PAM: variants seen among roughly 807,000 people sequenced by gnomAD.
The protein encoded by PAM is peptidyl-glycine alpha-amidating monooxygenase.
PAM carries 72 observed loss-of-function variants against 122.1 expected under a neutral mutation model. The observed-to-expected ratio is 0.59, with a 90% confidence interval of 0.49 to 0.72. PAM has a LOEUF of 0.72. PAM is among the 30% of genes least tolerant of loss of function. The probability of loss-of-function intolerance (pLI) is 0.00; values close to 1 mark genes in which losing one functional copy is unlikely to be tolerated. For synonymous variants in PAM, 389 were observed against 404.4 expected (o/e 0.96, Z 0.46); for missense variants, 1,106 against 1,183.7 (o/e 0.93, Z 0.96).
rs183941779 is a variant in PAM at position 103,009,877 on chromosome 5, A to T, written c.2331+11A>T. On this transcript the variant is annotated intron_variant, in intron 21 of 25. Coordinates refer to ENST00000438793, the MANE Select transcript of PAM (RefSeq NM_001177306.2). ...AAGCCAGTGCGCAAGGTATTTACAC[A>T]CATTGTCTAGGTTTCAATTTTCATG... is the stretch of plus-strand genomic sequence containing the variant. 8 of 1,387,720 alleles carry T rather than the reference A, an allele frequency of 5.8e-6. No individual in the cohort carries two copies. The Admixed American group carries it at 1.5e-4, about 26-fold the overall frequency. The allele number at this position is 1,387,720 out of a possible 1,614,324, so 86.0% of individuals were successfully genotyped here.
intron 1 of PAM, among the ~76,000 whole-genome samples, chr5:102,793,428 G>A (rs532035527): frequency 1.3e-5 from 2 of 152,256 alleles, no homozygotes; most frequent in African/African-American, 4.8e-5. Flanking sequence ...CTATTTGGGA[G>A]GCTGACGTGG....
At chr5:102,770,353 T>G (rs1755395568) in intron 1 of PAM, among the ~76,000 whole-genome samples, 1 of 152,146 alleles carries the variant, frequency 6.6e-6, no homozygotes, top group Non-Finnish European at 1.5e-5. Context: ...TTGGATGCCC[T>G]TTATTTCTGC....
chr5:102,762,861 G>A (rs1483008234), intron 1 of PAM, among the ~76,000 whole-genome samples: 1 of 152,058 alleles, frequency 6.6e-6, no homozygotes, highest in Admixed American at 6.5e-5. Flanking sequence ...ATGCCTAATC[G>A]ACCAGAGTGA....
chr5:102,876,690 A>T (rs1789316492), intron 3 of PAM, among the ~76,000 whole-genome samples: 1 of 152,224 alleles, frequency 6.6e-6, no homozygotes, highest in African/African-American at 2.4e-5. Flanking sequence ...CAGTAGAGTC[A>T]GGGAAGTAAA....
intron 1 of PAM, among the ~76,000 whole-genome samples, chr5:102,827,124 T>C (rs933240459): frequency 2.0e-5 from 3 of 152,250 alleles, no homozygotes; most frequent in Non-Finnish European, 2.9e-5. Flanking sequence ...TTCTCTTTGC[T>C]ATCCTCTTTC....
intron 1 of PAM, among the ~76,000 whole-genome samples, chr5:102,823,907 T>C (rs189836450): frequency 1.7e-4 from 26 of 152,318 alleles, no homozygotes; most frequent in African/African-American, 6.0e-4. Flanking sequence ...ATGAAAAAGA[T>C]ACTAGTTCTG....
At chr5:102,813,887 T>C (rs1016661217) in intron 1 of PAM, among the ~76,000 whole-genome samples, 3 of 152,190 alleles carry the variant, frequency 2.0e-5, no homozygotes, top group African/African-American at 7.2e-5. Flanking sequence ...TAGGAACAGA[T>C]GGTAGCCATC....
rs35019489 is a variant in PAM, at chr5:102,831,872, TTCTC to T, written c.-373-33932_-373-33929del. Among the ~76,000 whole-genome samples the T allele has an allele frequency of 4.0e-4, 60 of 148,614 alleles. No individual in the cohort carries two copies. In the East Asian group the frequency reaches 7.1e-3, roughly 18 times the overall value. ...TTATCATTTTTTATAGGAACTAGTC[TTCTC>T]TCTCTCTCTCTCTCTCTCCCCCGCC... On this transcript the variant is annotated intron_variant, in intron 1 of 25. Transcript: ENST00000438793.
At chr5:102,863,046 G>A (rs1382763564) in intron 1 of PAM, among the ~76,000 whole-genome samples, 3 of 144,198 alleles carry the variant, frequency 2.1e-5, no homozygotes, top group Non-Finnish European at 4.4e-5. Context: ...TACTTTGTAA[G>A]AGCCAAATTA....
intron 5 of PAM, among the ~76,000 whole-genome samples, chr5:102,921,785 C>T (rs971389527): frequency 1.3e-5 from 2 of 152,104 alleles, no homozygotes; most frequent in Non-Finnish European, 2.9e-5. Flanking sequence ...CAAAGCTTAT[C>T]TCCACATAAT....
chr5:102,950,026 A>C (rs922399449), intron 11 of PAM, 48 bp downstream of exon 11: 2 of 957,898 alleles, frequency 2.1e-6, no homozygotes, highest in African/African-American at 3.3e-5. Flanking sequence ...ATTAACCAGC[A>C]GAAAGTAATT....
In PAM at chr5:102,839,882, A is replaced by G. The variant is rs192721721; in HGVS notation, c.-373-25941A>G. ...AACTAGGAATAGAAAGAACTTTCTT[A>G]ACTGGGTACAGGTTATCTGCCAAGA... On this transcript the variant is annotated intron_variant, in intron 1 of 25. Transcript: ENST00000438793. Among the ~76,000 whole-genome samples, 398 of 152,312 alleles carry G rather than the reference A, an allele frequency of 2.6e-3. 3 individuals are homozygous for G. Among genetic ancestry groups the G allele is most frequent in the African/African-American group, 9.1e-3 (380 of 41,592 alleles).
intron 1 of PAM, among the ~76,000 whole-genome samples, chr5:102,787,556 T>G (rs1406709118): frequency 6.6e-6 from 1 of 150,518 alleles, no homozygotes; most frequent in East Asian, 2.0e-4. Flanking sequence ...CTGGGCTTAG[T>G]GAAAGGTACA....
At chr5:102,903,721 A>G (rs765229729) in intron 4 of PAM, among the ~76,000 whole-genome samples, 7 of 151,556 alleles carry the variant, frequency 4.6e-5, no homozygotes, top group South Asian at 4.1e-4. Context: ...AATCTGCCCA[A>G]GCTTTTTACT....
At chr5:103,005,254 T>A in intron 18 of PAM, 28 bp downstream of exon 18, 1 of 996,494 alleles carries the variant, frequency 1.0e-6, no homozygotes, top group Non-Finnish European at 1.6e-6. Flanking sequence ...AATATTCAAA[T>A]TAGAAGCTAA....
chr5:103,017,251 G>A (rs1208188436), intron 21 of PAM, 83 bp from the exon 22 acceptor site: 4 of 879,560 alleles, frequency 4.5e-6, no homozygotes. Context: ...TTTTGTTGTG[G>A]GCTTTGCTTT....
At chr5:103,019,699 T>C (rs1288706053) in intron 22 of PAM, 91 bp from the exon 23 acceptor site, 2 of 830,032 alleles carry the variant, frequency 2.4e-6, no homozygotes, top group Admixed American at 3.9e-5. Flanking sequence ...AGGAAATATT[T>C]TCTACTGAGT....
intron 16 of PAM, among the ~76,000 whole-genome samples, chr5:102,998,725 ATTATC>A (rs767872355): frequency 2.6e-5 from 4 of 152,208 alleles, no homozygotes; most frequent in Non-Finnish European, 5.9e-5. Flanking sequence ...TGCATCTACA[ATTATC>A]TTAACTAAAA....
intron 12 of PAM, among the ~76,000 whole-genome samples, chr5:102,958,494 T>C (rs1036597634): frequency 2.6e-5 from 4 of 152,160 alleles, no homozygotes; most frequent in Admixed American, 2.6e-4. Flanking sequence ...ACTCCAAGGC[T>C]GTTAAAATGT....
Sources: allele counts gnomAD v4.1 joint callset (sites outside exome capture counted in the v4.1 genomes callset), GRCh38; gene constraint gnomAD v4.1.1; transcripts MANE v1.5; gene names NCBI Gene and HGNC (gene_info 2026-07-23, HGNC 2026-07-21).